CNTLN: variants seen among roughly 807,000 people sequenced by gnomAD.
CNTLN encodes the protein centlein.
A neutral mutation model predicts 180.0 loss-of-function variants in CNTLN; 212 were observed. The observed-to-expected ratio is 1.18, with a 90% confidence interval of 1.05 to 1.32. The LOEUF is 1.32. Among genes scored for constraint, CNTLN ranks in the 40% most tolerant of loss-of-function variants. CNTLN has a pLI of 0.00. For missense variants in CNTLN, 2,095 were observed against 1,610.9 expected, an observed-to-expected ratio of 1.30 and a Z score of -5.14; for synonymous variants, 722 against 563.1, an observed-to-expected ratio of 1.28 and a Z score of -3.99.
chr9:17,490,124 T>G (rs1833077775), intron 25 of CNTLN, among the ~76,000 whole-genome samples: 2 of 152,158 alleles, frequency 1.3e-5, no homozygotes, highest in South Asian at 2.1e-4. Context: ...GGGACCAAAT[T>G]ATAAAAGCTT....
chr9:17,359,738 A>AAC (rs1823183792), intron 12 of CNTLN, among the ~76,000 whole-genome samples: 1 of 122,382 alleles, frequency 8.2e-6, no homozygotes, highest in African/African-American at 2.9e-5. Flanking sequence ...AAAAAAAAAA[A>AAC]AAAAAAAAAA....
chr9:17,272,537 C>G (rs1368726434), intron 5 of CNTLN, among the ~76,000 whole-genome samples: 1 of 152,050 alleles, frequency 6.6e-6, no homozygotes, highest in Non-Finnish European at 1.5e-5. Flanking sequence ...TTTTTGGTAC[C>G]TCAGTCTGGA....
intron 3 of CNTLN, among the ~76,000 whole-genome samples, chr9:17,234,798 A>G (rs1825035333): frequency 6.6e-6 from 1 of 152,220 alleles, no homozygotes; most frequent in African/African-American, 2.4e-5. Context: ...TGTGTTTAAT[A>G]AATATTAGTT....
intron 12 of CNTLN, among the ~76,000 whole-genome samples, chr9:17,346,770 T>C (rs889432949): frequency 6.6e-6 from 1 of 152,232 alleles, no homozygotes; most frequent in Non-Finnish European, 1.5e-5. Context: ...TTTGTCAAAT[T>C]TGGGAAATTT....
rs1360455878 is a variant in CNTLN at position 17,273,864 on chromosome 9, C to T, written c.981C>T (p.Val327=). 1.3e-6 allele frequency: 2 copies of T among 1,546,288 alleles called. No homozygotes were observed. The highest frequency in any genetic ancestry group is 2.5e-5 in the South Asian group (2 of 79,496). Residue 327 remains valine, a splice_region_variant and synonymous_variant, in exon 6 of 26, where the codon GTC becomes GTT. Transcript: ENST00000380647. ...LIQKDMDITL[V]RKELQELQNL... is the part of the protein sequence containing the mutation. The stretch of plus-strand genomic sequence containing the variant: ...AGAAGGATATGGATATTACCCTGGT[C>T]AGGCAAGTATATTCAATTTTTAATT...
chr9:17,513,180 C>T, the CNTLN span, among the ~76,000 whole-genome samples: 1 of 151,964 alleles, frequency 6.6e-6, no homozygotes, highest in Non-Finnish European at 1.5e-5. Context: ...AATGAAAATA[C>T]TTTTAATAAC....
chr9:17,473,900 C>G (rs889089760), intron 23 of CNTLN, among the ~76,000 whole-genome samples: 3 of 152,176 alleles, frequency 2.0e-5, no homozygotes, highest in African/African-American at 7.2e-5. Context: ...GTTGATCACT[C>G]CTTCCTCCTT....
At chr9:17,307,172 A>G (rs1818776476) in intron 7 of CNTLN, among the ~76,000 whole-genome samples, 1 of 152,226 alleles carries the variant, frequency 6.6e-6, no homozygotes, top group East Asian at 1.9e-4. Context: ...ATTTTTTTAT[A>G]AATCATATAG....
chr9:17,387,015 G>A (rs1825733134), intron 13 of CNTLN, among the ~76,000 whole-genome samples: 1 of 152,130 alleles, frequency 6.6e-6, no homozygotes, highest in South Asian at 2.1e-4. Flanking sequence ...TTCCCCAGGT[G>A]GCAAATTCTA....
intron 5 of CNTLN, among the ~76,000 whole-genome samples, chr9:17,252,251 A>G (rs1826188290): frequency 6.6e-6 from 1 of 151,902 alleles, no homozygotes; most frequent in Admixed American, 6.6e-5. Flanking sequence ...CTTTGGATAG[A>G]TACCCAGTAG....
chr9:17,226,127 T>G lies in CNTLN; in HGVS notation c.450-76T>G, dbSNP rs959625919. ...TAATTTTCTATATTTTAAAGTGATATTAATATTTGGGATATGAAAATTTAA... is the reference window on the plus strand; with the variant it reads ...TAATTTTCTATATTTTAAAGTGATAGTAATATTTGGGATATGAAAATTTAA... On this transcript the variant is annotated intron_variant, in intron 2 of 25. Transcript: ENST00000380647. 1.6e-5 allele frequency: 11 copies of G among 688,930 alleles called. No individual in the cohort carries two copies. In the African/African-American group the frequency reaches 2.1e-4, roughly 13 times the overall value. 42.7% of individuals were successfully genotyped at this position (688,930 alleles called of 1,614,324 possible). A position where few individuals can be genotyped will look rare whatever the true frequency, so the allele number is the denominator to read the frequency against.
intron 2 of CNTLN, among the ~76,000 whole-genome samples, chr9:17,214,959 C>G (rs1823627333): frequency 6.6e-6 from 1 of 152,130 alleles, no homozygotes; most frequent in Non-Finnish European, 1.5e-5. Context: ...TTTGTCTAAT[C>G]TTTTTTGAAG....
At chr9:17,283,637 A>C (rs897082022) in intron 6 of CNTLN, among the ~76,000 whole-genome samples, 7 of 152,098 alleles carry the variant, frequency 4.6e-5, no homozygotes, top group Admixed American at 2.6e-4. Context: ...TACTATGTTG[A>C]ATAGAAGTGG....
intron 6 of CNTLN, among the ~76,000 whole-genome samples, chr9:17,291,939 G>T (rs376974472): frequency 6.6e-6 from 1 of 152,102 alleles, no homozygotes; most frequent in East Asian, 1.9e-4. Flanking sequence ...GCTAGTGGTG[G>T]TTTTTCCTTT....
chr9:17,334,731 A>C (rs1820884811), intron 10 of CNTLN, among the ~76,000 whole-genome samples: 1 of 152,110 alleles, frequency 6.6e-6, no homozygotes, highest in Non-Finnish European at 1.5e-5. Flanking sequence ...ACACATGGAC[A>C]TAAAGATGGG....
intron 2 of CNTLN, among the ~76,000 whole-genome samples, chr9:17,178,293 G>A (rs193106368): frequency 6.6e-6 from 1 of 152,312 alleles, no homozygotes; most frequent in East Asian, 1.9e-4. Context: ...CAATCCCTTA[G>A]CTAGACATAA....
intron 18 of CNTLN, among the ~76,000 whole-genome samples, chr9:17,436,673 A>G (rs921143152): frequency 5.9e-5 from 9 of 152,154 alleles, no homozygotes; most frequent in Non-Finnish European, 1.3e-4. Flanking sequence ...ACTGTATCCA[A>G]ACTTATATTT....
At chr9:17,441,886 A>G (rs1830132146) in intron 18 of CNTLN, among the ~76,000 whole-genome samples, 1 of 152,180 alleles carries the variant, frequency 6.6e-6, no homozygotes, top group African/African-American at 2.4e-5. Context: ...CAAAGGAGAG[A>G]AGGGGTGGCT....
intron 5 of CNTLN, among the ~76,000 whole-genome samples, chr9:17,268,437 T>A (rs1827667630): frequency 6.6e-6 from 1 of 152,184 alleles, no homozygotes; most frequent in Non-Finnish European, 1.5e-5. Flanking sequence ...GAGGTGTCTG[T>A]CAGTCTGCCC....
Sources: gnomAD v4.1 joint callset for allele counts (sites outside exome capture counted in the v4.1 genomes callset) on GRCh38, gnomAD v4.1.1 for gene constraint, MANE v1.5 for transcripts, NCBI Gene and HGNC (gene_info 2026-07-23, HGNC 2026-07-21) for gene names.